The following L3MBTL4 variants were observed in gnomAD, a reference collection of about 807,000 sequenced individuals.
L3MBTL4 encodes the protein L3MBTL histone methyl-lysine binding protein 4.
In L3MBTL4, 70 loss-of-function variants were observed where a neutral mutation model predicts 84.5. That is an observed-to-expected ratio of 0.83 (90% CI 0.68 to 1.01). The LOEUF is 1.01. L3MBTL4 is among the 50% of genes least tolerant of loss of function. The pLI is 0.00. For missense variants in L3MBTL4, 715 were observed against 754.8 expected (o/e 0.95, Z 0.62); for synonymous variants, 274 against 259.8 (o/e 1.05, Z -0.52).
intron 14 of L3MBTL4, among the ~76,000 whole-genome samples, chr18:6,136,447 C>A (rs2144613233): frequency 6.6e-6 from 1 of 152,300 alleles, no homozygotes; most frequent in South Asian, 2.1e-4. Context: ...TCCCTTTGCA[C>A]CCCTCACCCC....
chr18:6,049,225 C>G (rs1428523845), intron 16 of L3MBTL4, among the ~76,000 whole-genome samples: 6 of 152,096 alleles, frequency 3.9e-5, no homozygotes, highest in Admixed American at 3.3e-4. Flanking sequence ...AAAGCAATTG[C>G]AACGAAAACA....
At chr18:6,072,641 C>A (rs1024800721) in intron 16 of L3MBTL4, among the ~76,000 whole-genome samples, 6 of 150,080 alleles carry the variant, frequency 4.0e-5, no homozygotes, top group African/African-American at 1.5e-4. Flanking sequence ...GAGATCCAGA[C>A]CATCCTGGCT....
chr18:6,308,652 C>CA (rs1555724129), intron 3 of L3MBTL4, among the ~76,000 whole-genome samples: 2 of 151,884 alleles, frequency 1.3e-5, no homozygotes, highest in Admixed American at 6.6e-5. Context: ...TAATTAAGTG[C>CA]AAAAAAAGCA....
intron 1 of L3MBTL4, among the ~76,000 whole-genome samples, chr18:6,319,555 C>T (rs2051296527): frequency 6.6e-6 from 1 of 151,926 alleles, no homozygotes; most frequent in Non-Finnish European, 1.5e-5. Context: ...TTCCTAGAAA[C>T]ATACACCCCT....
Position 6,129,368 on chromosome 18 carries a change from CTGTGTGTG to C in L3MBTL4, c.1199+8818_1199+8825del, listed in dbSNP as rs772735191. Reference sequence around the variant, plus strand: ...TCTTAACAATTTACTGGAATTCTCTCTGTGTGTGTGTGTGTGTGTGTGTGTGTGTGTGT... The same window carrying C: ...TCTTAACAATTTACTGGAATTCTCTCTGTGTGTGTGTGTGTGTGTGTGTGT... On this transcript the variant is annotated intron_variant, in intron 14 of 18. Coordinates refer to ENST00000317931, the MANE Select transcript of L3MBTL4 (RefSeq NM_001330559.2). Among the ~76,000 whole-genome samples the C allele has an allele frequency of 4.0e-4, 55 of 138,302 alleles. No individual in the cohort carries two copies. In the East Asian group the frequency reaches 7.3e-3, roughly 18 times the overall value. 90.7% of individuals were successfully genotyped at this position (138,302 alleles called of 152,430 possible).
At chr18:6,187,344 T>C (rs1451103712) in intron 12 of L3MBTL4, among the ~76,000 whole-genome samples, 1 of 152,190 alleles carries the variant, frequency 6.6e-6, no homozygotes, top group Non-Finnish European at 1.5e-5. Flanking sequence ...ATATCTAACA[T>C]TACTCGAATT....
At chr18:6,172,246 T>C (rs1177141221) in intron 12 of L3MBTL4, among the ~76,000 whole-genome samples, 1 of 152,172 alleles carries the variant, frequency 6.6e-6, no homozygotes, top group Non-Finnish European at 1.5e-5. Flanking sequence ...TGGAATGCTG[T>C]TGAGGGGATA....
At chr18:5,962,846 C>T (rs934633231) in intron 17 of L3MBTL4, among the ~76,000 whole-genome samples, 1 of 152,290 alleles carries the variant, frequency 6.6e-6, no homozygotes, top group South Asian at 2.1e-4. Context: ...ACTGACACCT[C>T]GGGCCAGGTA....
intron 16 of L3MBTL4, among the ~76,000 whole-genome samples, chr18:5,986,383 A>G (rs549729): frequency 0.21 from 32,335 of 152,132 alleles, 6,077 homozygotes; most frequent in African/African-American, 0.5. Context: ...CCTGACTTCC[A>G]TTTCACTGCT....
intron 5 of L3MBTL4, among the ~76,000 whole-genome samples, chr18:6,261,400 A>C (rs551679575): frequency 2.0e-5 from 3 of 152,310 alleles, no homozygotes; most frequent in African/African-American, 7.2e-5. Flanking sequence ...AGAGTTCAAA[A>C]GCTTGAGAAA....
chr18:6,251,929 G>A (rs1041577619), intron 5 of L3MBTL4, among the ~76,000 whole-genome samples: 14 of 152,302 alleles, frequency 9.2e-5, no homozygotes, highest in African/African-American at 2.9e-4. Context: ...AACAATTCAG[G>A]TAGATTCCCA....
At chr18:6,313,363 T>C (rs2050929971) in intron 1 of L3MBTL4, among the ~76,000 whole-genome samples, 1 of 152,210 alleles carries the variant, frequency 6.6e-6, no homozygotes, top group Non-Finnish European at 1.5e-5. Flanking sequence ...AGCACTGTTT[T>C]CAAAGTTAAT....
At chr18:6,031,323 C>G in intron 16 of L3MBTL4, 6 of 985,432 alleles carry the variant, frequency 6.1e-6, no homozygotes, top group Non-Finnish European at 7.2e-6. Context: ...TATAGGTTTT[C>G]TGGTTGCAGA....
chr18:6,171,850 C>T lies in L3MBTL4; in HGVS notation c.1074G>A (p.Gly358=), dbSNP rs752702624. Residue 358 remains glycine (G), a synonymous_variant, in exon 13 of 19, where the codon GGG becomes GGA. Transcript: ENST00000317931. Reference sequence around the variant, plus strand: ...CACGCTGTGGCACTTCCAGTGGATGCCCTGTGACATCACACCATCCGATCG... The same window carrying T: ...CACGCTGTGGCACTTCCAGTGGATGTCCTGTGACATCACACCATCCGATCG... ...IHPIGWCDVT[G]HPLEVPQRTN... 5 of 1,548,824 alleles carry T rather than the reference C, an allele frequency of 3.2e-6. No homozygotes were observed. Among genetic ancestry groups the T allele is most frequent in the African/African-American group, 2.7e-5 (2 of 73,086 alleles).
At chr18:6,153,318 A>G (rs879942029) in intron 13 of L3MBTL4, among the ~76,000 whole-genome samples, 1 of 152,168 alleles carries the variant, frequency 6.6e-6, no homozygotes, top group Non-Finnish European at 1.5e-5. Flanking sequence ...AGTAGTATGA[A>G]TTTTAACATT....
At chr18:5,956,670 T>A (rs906866906) in intron 18 of L3MBTL4, among the ~76,000 whole-genome samples, 3 of 152,250 alleles carry the variant, frequency 2.0e-5, no homozygotes, top group Non-Finnish European at 4.4e-5. Context: ...TTTCTATTGT[T>A]GTCTTTTAAA....
chr18:6,071,688 AGAAAGAAAGAAAGAAAGAAAGAAAGAAG>A (rs2057614446), intron 16 of L3MBTL4, among the ~76,000 whole-genome samples: 2 of 19,306 alleles, frequency 1.0e-4, no homozygotes, highest in East Asian at 5.4e-4. Flanking sequence ...AAAGAGAGAA[AGAAAGAAAGAAAGAAAGAAAGAAAGAAG>A]GAAAGAAAGA....
At chr18:6,332,499 G>A (rs2052091769) in intron 1 of L3MBTL4, among the ~76,000 whole-genome samples, 1 of 152,056 alleles carries the variant, frequency 6.6e-6, no homozygotes, top group Non-Finnish European at 1.5e-5. Context: ...TACCCTCCTG[G>A]CCACAGTCAT....
chr18:6,400,401 C>T (rs2055460686), intron 1 of L3MBTL4, among the ~76,000 whole-genome samples: 1 of 152,038 alleles, frequency 6.6e-6, no homozygotes, highest in Non-Finnish European at 1.5e-5. Context: ...GACCAAAAAT[C>T]CATGGGTTAG....
Sources: gnomAD v4.1 joint callset for allele counts (sites outside exome capture counted in the v4.1 genomes callset) on GRCh38, gnomAD v4.1.1 for gene constraint, MANE v1.5 for transcripts, NCBI Gene and HGNC (gene_info 2026-07-23, HGNC 2026-07-21) for gene names.